The following CFAP97 variants were observed in gnomAD, a reference collection of about 807,000 sequenced individuals.
CFAP97 encodes cilia and flagella associated protein 97.
Under a neutral mutation model 43.1 loss-of-function variants are expected in CFAP97, and 36 were observed. That is an observed-to-expected ratio of 0.84 (90% confidence interval 0.64 to 1.10). The LOEUF is 1.10. Ranked by LOEUF, CFAP97 falls within the 50% of genes least tolerant of loss-of-function variation. The pLI is 0.00. For synonymous variants in CFAP97, 228 were observed against 225.7 expected, an observed-to-expected ratio of 1.01 and a Z score of -0.09; for missense variants, 657 against 620.3, an observed-to-expected ratio of 1.06 and a Z score of -0.63.
chr4:185,179,728 T>C (rs1038648617), intron 2 of CFAP97, among the ~76,000 whole-genome samples: 5 of 152,130 alleles, frequency 3.3e-5, no homozygotes, highest in Admixed American at 6.5e-5. Flanking sequence ...ATTCCCTAAG[T>C]GTTGGGGTAA....
intron 2 of CFAP97, among the ~76,000 whole-genome samples, chr4:185,181,302 A>C (rs1735773842): frequency 1.3e-5 from 2 of 151,182 alleles, no homozygotes; most frequent in South Asian, 4.1e-4. Flanking sequence ...ATAAAAAGCA[A>C]ATCAAGGCAT....
intron 3 of CFAP97, among the ~76,000 whole-genome samples, chr4:185,166,546 T>C (rs527257957): frequency 1.3e-5 from 2 of 152,340 alleles, no homozygotes; most frequent in South Asian, 2.1e-4. Context: ...TGAGTATTTT[T>C]CTTTTACAAA....
intron 3 of CFAP97, chr4:185,170,080 G>A (rs1344969701): frequency 2.5e-6 from 3 of 1,204,926 alleles, no homozygotes; most frequent in Non-Finnish European, 3.1e-6. Context: ...AGGCACAGTG[G>A]CTCACACCTG....
At chr4:185,173,484 ATAGT>A (rs1325645078) in intron 3 of CFAP97, among the ~76,000 whole-genome samples, 7 of 152,156 alleles carry the variant, frequency 4.6e-5, no homozygotes, top group Non-Finnish European at 1.0e-4. Context: ...ACATGAACAG[ATAGT>A]TGCCAATATT....
intron 3 of CFAP97, among the ~76,000 whole-genome samples, chr4:185,173,120 T>C (rs1433196721): frequency 1.3e-5 from 2 of 151,872 alleles, no homozygotes; most frequent in Non-Finnish European, 1.5e-5. Flanking sequence ...TCCCAGCACT[T>C]TGGGAGGCAG....
chr4:185,183,983 C>A (rs751069133), intron 2 of CFAP97, among the ~76,000 whole-genome samples: 2 of 152,064 alleles, frequency 1.3e-5, no homozygotes, highest in African/African-American at 2.4e-5. Context: ...GATTATTTTT[C>A]TTATTTAAAA....
upstream of CFAP97, chr4:185,210,131 C>A: frequency 1.0e-6 from 1 of 984,162 alleles, no homozygotes; most frequent in Non-Finnish European, 1.2e-6. This position sits in a 1 kb window ranked among gnomAD's most constrained non-coding sequence, Gnocchi z 4.4. Context: ...AGCTGCGCGG[C>A]GGCCGCCTTC....
upstream of CFAP97, chr4:185,209,918 G>A (rs556808291): frequency 7.2e-3 from 7,067 of 983,302 alleles, 31 homozygotes; most frequent in Non-Finnish European, 8.0e-3. The surrounding 1 kb of genome is among the most constrained non-coding windows in gnomAD (Gnocchi z 5.2). Flanking sequence ...GGCTTCAGGG[G>A]CGAGCGGCGG....
Position 185,164,189 on chromosome 4 carries a change from A to G in CFAP97, c.1321-10T>C, listed in dbSNP as rs778310984. On this transcript the variant is annotated splice_polypyrimidine_tract_variant and intron_variant, in intron 3 of 4. Coordinates refer to ENST00000458385, the MANE Select transcript of CFAP97 (RefSeq NM_020827.3). ...GCCTTTTCAATAAAGCCTTCAATAA[A>G]GACAATTAATTTGAAAGGCAAGGTT... is the stretch of plus-strand genomic sequence containing the variant. 4.3e-5 allele frequency: 69 copies of G among 1,612,714 alleles called. No individual in the cohort carries two copies. The highest frequency in any genetic ancestry group is 5.6e-5 in the Non-Finnish European group (66 of 1,179,262).
intron 1 of CFAP97, among the ~76,000 whole-genome samples, chr4:185,197,191 C>G (rs3112879): frequency 0.55 from 80,997 of 147,610 alleles, 21,872 homozygotes; most frequent in East Asian, 0.61. Context: ...ACTGAAATCA[C>G]AAAATTATTT....
intron 2 of CFAP97, 150 bp from the exon 3 acceptor site, chr4:185,176,201 C>T: frequency 1.5e-6 from 1 of 671,186 alleles, no homozygotes; most frequent in Non-Finnish European, 2.4e-6. Context: ...CAACCTCCGC[C>T]TCCTGGGTTC....
At position 185,175,941 on chromosome 4, in the gene CFAP97, G is replaced by T; in HGVS notation, c.1165C>A (p.Arg389=). The T allele has an allele frequency of 6.2e-7, 1 of 1,613,722 alleles. No homozygotes were observed. Among genetic ancestry groups the T allele is most frequent in the African/African-American group, 1.3e-5 (1 of 74,976 alleles). ...TCTTTCAAAAGCCTCTGATTTTCCCGATCGATCTGTCTCACCTCTTCTCTT... is the reference window on the plus strand; with the variant it reads ...TCTTTCAAAAGCCTCTGATTTTCCCTATCGATCTGTCTCACCTCTTCTCTT... ...FTREEVRQID[R]ENQRLLKELS... The change falls in exon 3 of 5, where the codon CGG becomes AGG. Residue 389 remains arginine (R), a synonymous_variant. Coordinates refer to ENST00000458385, the MANE Select transcript of CFAP97 (RefSeq NM_020827.3).
intron 1 of CFAP97, among the ~76,000 whole-genome samples, chr4:185,193,511 T>C (rs1014184047): frequency 8.5e-5 from 13 of 152,100 alleles, no homozygotes; most frequent in African/African-American, 3.1e-4. Flanking sequence ...CCAGGTGTGG[T>C]AGTGTGCGCC....
chr4:185,178,931 A>G (rs542348271), intron 2 of CFAP97, among the ~76,000 whole-genome samples: 1 of 152,272 alleles, frequency 6.6e-6, no homozygotes, highest in East Asian at 1.9e-4. Flanking sequence ...CAGACCCCCA[A>G]GCAGAACGCT....
chr4:185,185,898 C>T (rs1441324541), intron 2 of CFAP97, among the ~76,000 whole-genome samples: 2 of 152,002 alleles, frequency 1.3e-5, no homozygotes, highest in East Asian at 1.9e-4. Context: ...CGTCTGCCTC[C>T]CAAAGTGCTG....
At chr4:185,206,907 A>G (rs572788152), upstream of CFAP97, among the ~76,000 whole-genome samples, 11 of 152,210 alleles carry the variant, frequency 7.2e-5, no homozygotes, top group Non-Finnish European at 1.3e-4. Context: ...ACTCTGAGGC[A>G]GTAGGCCTGA....
At chr4:185,177,170 TG>T (rs1735584469) in intron 2 of CFAP97, among the ~76,000 whole-genome samples, 2 of 152,078 alleles carry the variant, frequency 1.3e-5, no homozygotes, top group East Asian at 3.9e-4. Context: ...CCCAGCACTT[TG>T]GGAGGCTGAG....
At position 185,190,678 on chromosome 4, in the gene CFAP97, G is replaced by A. The variant is rs766512270; in HGVS notation, c.519C>T (p.Ser173=). The change falls in exon 2 of 5, where the codon TCC becomes TCT. Residue 173 remains serine (S), a synonymous_variant. Transcript: ENST00000458385. ...AAGATGAGGAAGATAAAGAGGAGGA[G>A]GAAGAGGAGCTAACTTTGCAATACT... ...RKKYCKVSSS[S]SSSLSSSSSG... is the part of the protein sequence containing the mutation. 9 of 1,574,086 alleles carry A rather than the reference G, an allele frequency of 5.7e-6. No homozygotes were observed. Among genetic ancestry groups the A allele is most frequent in the Admixed American group, 3.8e-5 (2 of 52,490 alleles).
chr4:185,163,961 A>G (rs1734968672), intron 4 of CFAP97, 68 bp downstream of exon 4: 2 of 1,406,070 alleles, frequency 1.4e-6, no homozygotes, highest in Admixed American at 3.7e-5. Context: ...TCATAATAAC[A>G]TGTTACGTTT....
Sources: allele counts gnomAD v4.1 joint callset (sites outside exome capture counted in the v4.1 genomes callset), GRCh38; gene constraint gnomAD v4.1.1; non-coding constraint Gnocchi (gnomAD v3.1); transcripts MANE v1.5; gene names NCBI Gene and HGNC (gene_info 2026-07-23, HGNC 2026-07-21).